GPR161: variants seen among roughly 807,000 people sequenced by gnomAD.
GPR161 encodes G protein-coupled receptor 161.
A neutral mutation model predicts 39.2 loss-of-function variants in GPR161; 25 were observed. The ratio of observed to expected loss-of-function variants is 0.64; its 90% CI spans 0.47 to 0.89. GPR161 has a LOEUF of 0.89. GPR161 is among the 40% of genes least tolerant of loss of function. The pLI is 0.00. For synonymous variants in GPR161, 286 were observed against 276.6 expected (o/e 1.03, Z -0.34); for missense variants, 547 against 677.8 (o/e 0.81, Z 2.14).
At chr1:168,137,357 G>T (rs1158122441), upstream of GPR161, 1 of 1,535,854 alleles carries the variant, frequency 6.5e-7, no homozygotes, top group Non-Finnish European at 8.7e-7. Context: ...CAGTCCCGCC[G>T]TGGACGATCC....
rs780090542 is a variant in GPR161 at position 168,081,634 on chromosome 1, C to T, written c.*3897G>A. On this transcript the variant is annotated 3_prime_UTR_variant, in exon 6 of 6. Coordinates refer to ENST00000682931, the MANE Select transcript of GPR161 (RefSeq NM_001375883.1). ...AGATGAGGAAACTCATAAGTAGTGACTTGTTTGAAAACACCCATGTAATTG... is the reference window on the plus strand; with the variant it reads ...AGATGAGGAAACTCATAAGTAGTGATTTGTTTGAAAACACCCATGTAATTG... 1 of 152,234 alleles carries T rather than the reference C, an allele frequency of 6.6e-6. No individual in the cohort carries two copies. The highest frequency in any genetic ancestry group is 1.5e-5 in the Non-Finnish European group (1 of 68,062). 9.4% of individuals were successfully genotyped at this position (152,234 alleles called of 1,614,324 possible). A position where few individuals can be genotyped will look rare whatever the true frequency, so the allele number is the denominator to read the frequency against.
chr1:168,127,674 C>T (rs887976343), intron 1 of GPR161, among the ~76,000 whole-genome samples: 5 of 152,046 alleles, frequency 3.3e-5, no homozygotes, highest in African/African-American at 1.2e-4. Flanking sequence ...GGCAAAAATT[C>T]CCATTTTTAA....
chr1:168,099,100 C>T (rs1695838449), intron 2 of GPR161, among the ~76,000 whole-genome samples: 1 of 152,210 alleles, frequency 6.6e-6, no homozygotes, highest in African/African-American at 2.4e-5. Context: ...TTTCCCCCTT[C>T]CTCCTTGAGG....
chr1:168,129,362 G>A (rs986587192), intron 1 of GPR161, among the ~76,000 whole-genome samples: 11 of 152,304 alleles, frequency 7.2e-5, no homozygotes, highest in South Asian at 2.1e-4. Context: ...GGAGACAGTC[G>A]GGGGCCAGAT....
chr1:168,085,050 C>T lies in GPR161; in HGVS notation c.*481G>A, dbSNP rs768737647. 2.0e-5 allele frequency: 9 copies of T among 456,284 alleles called. No individual in the cohort carries two copies. The highest frequency in any genetic ancestry group is 9.3e-5 in the South Asian group (6 of 64,562). 28.3% of individuals were successfully genotyped at this position (456,284 alleles called of 1,614,324 possible). On this transcript the variant is annotated 3_prime_UTR_variant, in exon 6 of 6. Transcript: ENST00000682931. ...AACCATGTAGAGGCACCAGGACGGTCGCGTGTCATTAGGAAGAAGTGCTGT... is the reference window on the plus strand; with the variant it reads ...AACCATGTAGAGGCACCAGGACGGTTGCGTGTCATTAGGAAGAAGTGCTGT...
intron 3 of GPR161, 131 bp downstream of exon 3, chr1:168,096,377 G>T (rs527451797): frequency 2.1e-6 from 2 of 937,230 alleles, no homozygotes; most frequent in Middle Eastern, 3.4e-4. Context: ...TGTTTCTTCC[G>T]AAAGGAAATC....
rs537429325 is a variant in GPR161, at chr1:168,136,372, C to G, written c.-45+367G>C. 127 of 1,445,514 alleles carry G rather than the reference C, an allele frequency of 8.8e-5. 1 individual carries two copies. Among genetic ancestry groups the G allele is most frequent in the South Asian group, 5.9e-4 (42 of 71,516 alleles). The allele number at this position is 1,445,514 out of a possible 1,614,324, so 89.5% of individuals were successfully genotyped here. ...GGCGCGGCCCGCATCGGCAGAGTCC[C>G]GGGCACGCACCTACGCCCTCCCATC... On this transcript the variant is annotated intron_variant, in intron 1 of 5. Transcript: ENST00000682931.
chr1:168,080,017 T>G lies in GPR161; in HGVS notation c.*5514A>C, dbSNP rs1430967028. The G allele has an allele frequency of 1.3e-5, 2 of 152,210 alleles. No individual in the cohort carries two copies. Among genetic ancestry groups the G allele is most frequent in the Non-Finnish European group, 2.9e-5 (2 of 68,022 alleles). The allele number at this position is 152,210 out of a possible 1,614,324, so 9.4% of individuals were successfully genotyped here. ...AGCTTTGTGTATTGCATTCTAAAAA[T>G]AACACCAAAATTGTGCTTTTGTAAT... is the stretch of plus-strand genomic sequence containing the variant. On this transcript the variant is annotated 3_prime_UTR_variant, in exon 6 of 6. Transcript: ENST00000682931.
Position 168,090,624 on chromosome 1 carries a change from G to T in GPR161, c.1144C>A (p.Gln382Lys), listed in dbSNP as rs778463712. 1 of 1,611,044 alleles carries T rather than the reference G, an allele frequency of 6.2e-7. No homozygotes were observed. The highest frequency in any genetic ancestry group is 8.5e-7 in the Non-Finnish European group (1 of 1,178,528). Residue 382 changes from glutamine to lysine, a missense_variant, in exon 4 of 6, where the codon CAG becomes AAG. By Grantham distance (53) the Gln-to-Lys change is moderately conservative. Coordinates refer to ENST00000682931, the MANE Select transcript of GPR161 (RefSeq NM_001375883.1). Reference protein sequence around the residue: ...PHLTALMAGGQPLGHSSSTGD... With the variant: ...PHLTALMAGGKPLGHSSSTGD... ...GTGCTGCTGCTGTGCCCCAGGGGCT[G>T]TCCACCTGCCATGAGCGCAGTGAGG... is the stretch of plus-strand genomic sequence containing the variant.
intron 1 of GPR161, among the ~76,000 whole-genome samples, chr1:168,124,588 G>C (rs1572375164): frequency 6.6e-6 from 1 of 152,180 alleles, no homozygotes; most frequent in East Asian, 1.9e-4. Flanking sequence ...CTTGCCCACA[G>C]TCACTCAGCT....
chr1:168,137,010 TCC>T (rs1211782587), upstream of GPR161: 2 of 574,082 alleles, frequency 3.5e-6, no homozygotes, highest in African/African-American at 7.2e-5. Flanking sequence ...CCGAGCCGCC[TCC>T]CCGCGCCCCG....
intron 1 of GPR161, among the ~76,000 whole-genome samples, chr1:168,111,871 A>G (rs995465974): frequency 6.6e-6 from 1 of 152,136 alleles, no homozygotes; most frequent in South Asian, 2.1e-4. Flanking sequence ...AAGACACATC[A>G]TAATAAAAAA....
At chr1:168,090,812 A>T (rs569862879) in intron 3 of GPR161, 144 bp from the exon 4 acceptor site, 1 of 540,554 alleles carries the variant, frequency 1.8e-6, no homozygotes, top group Non-Finnish European at 3.3e-6. Flanking sequence ...AGGAGAGCTT[A>T]GCTGCTCCCT....
At chr1:168,108,294 C>T (rs976073938) in intron 1 of GPR161, among the ~76,000 whole-genome samples, 2 of 151,874 alleles carry the variant, frequency 1.3e-5, no homozygotes, top group African/African-American at 4.8e-5. Flanking sequence ...AAAACACCTC[C>T]CACCAGGCCC....
At chr1:168,116,034 C>T (rs1046463468) in intron 1 of GPR161, among the ~76,000 whole-genome samples, 3 of 152,206 alleles carry the variant, frequency 2.0e-5, no homozygotes, top group Non-Finnish European at 4.4e-5. Flanking sequence ...ACCTCGGCCT[C>T]CCAAAGTGCT....
chr1:168,104,865 G>A lies in GPR161; in HGVS notation c.-15C>T, dbSNP rs762454556. The A allele has an allele frequency of 1.0e-4, 169 of 1,611,336 alleles. No homozygotes were observed. Among genetic ancestry groups the A allele is most frequent in the Non-Finnish European group, 1.3e-4 (157 of 1,177,928 alleles). ...TTGAGGCTCATGGTCAGTGCACCTC[G>A]GCGTGGGGTGGGCAGAGCATGCTGG... On this transcript the variant is annotated 5_prime_UTR_variant, in exon 2 of 6. Transcript: ENST00000682931.
intron 1 of GPR161, among the ~76,000 whole-genome samples, chr1:168,119,227 C>CATATAT (rs1558129624): frequency 1.0e-5 from 1 of 97,870 alleles, no homozygotes; most frequent in African/African-American, 5.5e-5. Flanking sequence ...TATATATATA[C>CATATAT]GTATATATAT....
At chr1:168,105,774 C>A (rs1263216424) in intron 1 of GPR161, among the ~76,000 whole-genome samples, 1 of 152,228 alleles carries the variant, frequency 6.6e-6, no homozygotes, top group East Asian at 1.9e-4. Flanking sequence ...TTAAATCCTA[C>A]AGACTAATGT....
At chr1:168,100,474 T>C (rs1486126001) in intron 2 of GPR161, among the ~76,000 whole-genome samples, 1 of 152,128 alleles carries the variant, frequency 6.6e-6, no homozygotes, top group African/African-American at 2.4e-5. Flanking sequence ...TTCCTCCAAC[T>C]CATTTTTAGA....
Sources: allele counts gnomAD v4.1 joint callset (sites outside exome capture counted in the v4.1 genomes callset), GRCh38; gene constraint gnomAD v4.1.1; transcripts MANE v1.5; gene names NCBI Gene and HGNC (gene_info 2026-07-23, HGNC 2026-07-21).